Variants in CABP1 observed in about 807,000 individuals in gnomAD.
CABP1 encodes calcium-binding protein 1.
CABP1 carries 17 observed loss-of-function variants against 34.3 expected under a neutral mutation model. The observed-to-expected ratio is 0.50, with a 90% confidence interval of 0.34 to 0.74. The LOEUF (loss-of-function observed/expected upper bound fraction) is 0.74, where lower values mean the gene tolerates loss of function less well. Among genes scored for constraint, CABP1 ranks in the 30% least tolerant of loss-of-function variants. CABP1 has a pLI of 0.01. For missense variants in CABP1, 373 were observed against 511.1 expected (o/e 0.73, Z 2.61); for synonymous variants, 198 against 229.2 (o/e 0.86, Z 1.23).
In CABP1 at chr12:120,660,335, G is replaced by C; in HGVS notation, c.825G>C (p.Met275Ile). 6.2e-7 allele frequency: 1 copy of C among 1,612,464 alleles called. No individual in the cohort carries two copies. The highest frequency in any genetic ancestry group is 8.5e-7 in the Non-Finnish European group (1 of 1,179,780). Residue 275 changes from methionine to isoleucine, a missense_variant, in exon 3 of 6, where the codon ATG (methionine) becomes ATC (isoleucine). Around this residue, in one of 4 missense-constraint regions of CABP1, gnomAD observed 109 missense variants for 204.8 expected, o/e 0.53. Transcript: ENST00000316803. The surrounding 1 kb of genome is among the most constrained non-coding windows in gnomAD (Gnocchi z 5.0). The stretch of plus-strand genomic sequence containing the variant: ...TCGAACTGTCCCAGCAGATCAACAT[G>C]AACCGTGAGTCCCTCTACCAGGCAT... Reference protein sequence around the residue: ...ELIELSQQINMNLGGHVDFDD... With the variant: ...ELIELSQQININLGGHVDFDD...
intron 5 of CABP1, among the ~76,000 whole-genome samples, chr12:120,664,594 C>T (rs1346798024): frequency 6.6e-6 from 1 of 152,192 alleles, no homozygotes. Flanking sequence ...ATGAGCTAGG[C>T]CAGGCGCTGT....
chr12:120,655,019 A>G (rs1484617915), intron 1 of CABP1, among the ~76,000 whole-genome samples: 1 of 152,202 alleles, frequency 6.6e-6, no homozygotes, highest in East Asian at 1.9e-4. Flanking sequence ...TAGTCTTGAA[A>G]TCACAAACTG....
chr12:120,641,802 G>C lies in CABP1; in HGVS notation c.654+463G>C, dbSNP rs1879345157. Among the ~76,000 whole-genome samples the C allele has an allele frequency of 6.6e-6, 1 of 152,244 alleles. No individual in the cohort carries two copies. Among genetic ancestry groups the C allele is most frequent in the South Asian group, 2.1e-4 (1 of 4,836 alleles). On this transcript the variant is annotated intron_variant, in intron 1 of 5. Transcript: ENST00000316803. This position sits in a 1 kb window ranked among gnomAD's most constrained non-coding sequence, Gnocchi z 6.7. ...AGAACACAGAATTACTTGAGGGCGA[G>C]GGACACTGGCCACTGCCTATCATGT... is the stretch of plus-strand genomic sequence containing the variant.
In CABP1 at chr12:120,656,054, C is replaced by T. The variant is rs565809078; in HGVS notation, c.655-3824C>T. 29 of 1,613,448 alleles carry T rather than the reference C, an allele frequency of 1.8e-5. No individual in the cohort carries two copies. In the African/African-American group the frequency reaches 3.1e-4, roughly 17 times the overall value. On this transcript the variant is annotated intron_variant, in intron 1 of 5. Coordinates refer to ENST00000316803, the MANE Select transcript of CABP1 (RefSeq NM_001033677.2). The stretch of plus-strand genomic sequence containing the variant: ...AGCCAGGCTGGGCAGGGAGGTGACA[C>T]CCTGCCTCTCTTTTGCATTTGCTTG...
downstream of CABP1, among the ~76,000 whole-genome samples, chr12:120,667,648 C>G (rs1255428875): frequency 6.6e-6 from 1 of 152,096 alleles, no homozygotes; most frequent in Non-Finnish European, 1.5e-5. Context: ...GCCACCACGC[C>G]TGGCTAATTT....
chr12:120,649,470 A>G (rs1879708912), intron 1 of CABP1, among the ~76,000 whole-genome samples: 1 of 152,166 alleles, frequency 6.6e-6, no homozygotes, highest in Non-Finnish European at 1.5e-5. Context: ...GAGGCGTGAG[A>G]TGAATTCATA....
At chr12:120,674,370 A>T in the CABP1 span, among the ~76,000 whole-genome samples, 3 of 152,252 alleles carry the variant, frequency 2.0e-5, no homozygotes, top group African/African-American at 7.2e-5. Context: ...TGACAAGATA[A>T]TCACAGCTTA....
intron 5 of CABP1, among the ~76,000 whole-genome samples, chr12:120,663,481 G>T (rs2137370528): frequency 6.6e-6 from 1 of 152,078 alleles, no homozygotes; most frequent in African/African-American, 2.4e-5. Context: ...TCACCATGTT[G>T]GCCAGGCTGG....
In CABP1 at chr12:120,659,890, C is replaced by T. The variant is rs1360238276; in HGVS notation, c.667C>T (p.Arg223Ter). 4 of 1,613,846 alleles carry T rather than the reference C, an allele frequency of 2.5e-6. No homozygotes were observed. The highest frequency in any genetic ancestry group is 1.3e-5 in the African/African-American group (1 of 75,030). The change falls in exon 2 of 6, where the codon CGA (arginine) becomes TGA (stop). Residue 223 changes from arginine (R) to a stop codon, truncating the protein, a stop_gained. Coordinates refer to ENST00000316803, the MANE Select transcript of CABP1 (RefSeq NM_001033677.2). LOFTEE classifies it high-confidence loss of function. ...TCTTTTGTTTCAGGATAGATCACTG[C>T]GACCAGAGGAAATTGAAGGTAAAAC... The part of the protein sequence containing the change: ...SSAFGQDRSL[R>*]PEEIEELREA...
Position 120,641,584 on chromosome 12 carries a change from A to T in CABP1, c.654+245A>T, listed in dbSNP as rs1449535683. On this transcript the variant is annotated intron_variant, in intron 1 of 5. Transcript: ENST00000316803. The surrounding 1 kb of genome is among the most constrained non-coding windows in gnomAD (Gnocchi z 6.7). ...AAGGCCCTCCCCGCTAGCCTCCCTC[A>T]TACCCGCCAGAACCCGCCAGTCCTG... The T allele has an allele frequency of 1.8e-5, 7 of 378,960 alleles. No homozygotes were observed. The highest frequency in any genetic ancestry group is 4.6e-6 in the Non-Finnish European group (1 of 216,768). 23.5% of individuals were successfully genotyped at this position (378,960 alleles called of 1,614,324 possible).
At chr12:120,656,077 T>C (rs746279211) in intron 1 of CABP1, 5 of 1,614,022 alleles carry the variant, frequency 3.1e-6, no homozygotes, top group Admixed American at 1.7e-5. Context: ...TTGCATTTGC[T>C]TGGTGCTGGC....
rs540769449 is a variant in CABP1, at chr12:120,659,813, G to C, written c.655-65G>C. 14 of 1,537,144 alleles carry C rather than the reference G, an allele frequency of 9.1e-6. No homozygotes were observed. The African/African-American group carries it at 1.2e-4, about 13-fold the overall frequency. ...CCTGCTGCCACGTGGATGGCCCCCAGGTTAGGTATTTTGTGACTTCCAGGT... is the reference window on the plus strand; with the variant it reads ...CCTGCTGCCACGTGGATGGCCCCCACGTTAGGTATTTTGTGACTTCCAGGT... On this transcript the variant is annotated intron_variant, in intron 1 of 5. Coordinates refer to ENST00000316803, the MANE Select transcript of CABP1 (RefSeq NM_001033677.2).
chr12:120,662,550 G>T, intron 5 of CABP1: 1 of 151,814 alleles, frequency 6.6e-6, no homozygotes, highest in Non-Finnish European at 1.5e-5. Flanking sequence ...CAGTTGAGAC[G>T]GGGTTTCACC....
intron 1 of CABP1, among the ~76,000 whole-genome samples, chr12:120,653,833 C>G (rs574182557): frequency 6.6e-6 from 1 of 152,188 alleles, no homozygotes; most frequent in Non-Finnish European, 1.5e-5. Flanking sequence ...ACGCCCGGCC[C>G]GCCTCTTGGA....
rs374211681 is a variant in CABP1 at position 120,659,848 on chromosome 12, C to T, written c.655-30C>T. The T allele has an allele frequency of 2.2e-5, 35 of 1,610,676 alleles. No homozygotes were observed. The Middle Eastern group carries it at 8.3e-4, about 38-fold the overall frequency. The stretch of plus-strand genomic sequence containing the variant: ...TTTGTGACTTCCAGGTCCCTTGTCG[C>T]GGCTAATAGGACATGTTCTTTTGTT... On this transcript the variant is annotated intron_variant, in intron 1 of 5. Transcript: ENST00000316803.
intron 1 of CABP1, among the ~76,000 whole-genome samples, chr12:120,647,707 G>A (rs926213990): frequency 6.7e-6 from 1 of 149,694 alleles, no homozygotes; most frequent in African/African-American, 2.5e-5. Flanking sequence ...AGCGGCGACT[G>A]CAGGCACCTG....
chr12:120,644,813 T>C (rs1879474675), intron 1 of CABP1, among the ~76,000 whole-genome samples: 1 of 152,162 alleles, frequency 6.6e-6, no homozygotes, highest in South Asian at 2.1e-4. Context: ...GTGGTTTGTT[T>C]GTTTATTTTG....
chr12:120,655,479 C>G (rs1349880867), intron 1 of CABP1: 11 of 1,055,838 alleles, frequency 1.0e-5, no homozygotes, highest in Non-Finnish European at 1.3e-5. Context: ...GTCCCCACCT[C>G]TCACACCCTG....
intron 1 of CABP1, among the ~76,000 whole-genome samples, chr12:120,647,878 C>T (rs143892459): frequency 5.1e-3 from 781 of 152,020 alleles, no homozygotes; most frequent in Non-Finnish European, 6.8e-3. Context: ...CACCACGCCC[C>T]GCCCCAAGCT....
Sources: allele counts gnomAD v4.1 joint callset (sites outside exome capture counted in the v4.1 genomes callset), GRCh38; gene constraint gnomAD v4.1.1; regional missense constraint gnomAD v4.1.1; non-coding constraint Gnocchi (gnomAD v3.1); transcripts MANE v1.5; gene names NCBI Gene and HGNC (gene_info 2026-07-23, HGNC 2026-07-21).